Variants in NRG1 observed in about 807,000 individuals in gnomAD.
NRG1 encodes the protein neuregulin 1, also known as pro-neuregulin-1, membrane-bound isoform.
NRG1 carries 18 observed loss-of-function variants against 63.8 expected under a neutral mutation model. That is an observed-to-expected ratio of 0.28 (90% CI 0.19 to 0.42). The LOEUF is 0.42. Among genes scored for constraint, NRG1 ranks in the 10% least tolerant of loss-of-function variants. The pLI is 1.00. For missense variants in NRG1, 762 were observed against 814.7 expected (o/e 0.94, Z 0.79); for synonymous variants, 302 against 301.3 (o/e 1.00, Z -0.02).
chr8:32,226,315 A>C (rs1846316544), intron 1 of NRG1, among the ~76,000 whole-genome samples: 1 of 152,142 alleles, frequency 6.6e-6, no homozygotes, highest in Non-Finnish European at 1.5e-5. Context: ...TATTACTCAA[A>C]TTTGGCATAA....
intron 1 of NRG1, among the ~76,000 whole-genome samples, chr8:32,011,949 A>G (rs2129962074): frequency 6.6e-6 from 1 of 152,242 alleles, no homozygotes; most frequent in African/African-American, 2.4e-5. Context: ...TAAGGTTTCC[A>G]GTAAACAAAA....
chr8:31,933,765 A>G (rs896853673), intron 1 of NRG1, among the ~76,000 whole-genome samples: 2 of 152,210 alleles, frequency 1.3e-5, no homozygotes, highest in East Asian at 3.8e-4. Context: ...TGGTCTAAAT[A>G]TTAATGAAGT....
At chr8:31,802,311 T>C (rs1821869490) in intron 1 of NRG1, among the ~76,000 whole-genome samples, 1 of 152,158 alleles carries the variant, frequency 6.6e-6, no homozygotes, top group Non-Finnish European at 1.5e-5. Flanking sequence ...TCACAAATAG[T>C]AATAAGAATT....
At chr8:32,759,877 C>G (rs1830381317) in intron 10 of NRG1, among the ~76,000 whole-genome samples, 1 of 152,156 alleles carries the variant, frequency 6.6e-6, no homozygotes, top group Non-Finnish European at 1.5e-5. Flanking sequence ...AAATGTAGCT[C>G]ATACAAGGAA....
intron 9 of NRG1, among the ~76,000 whole-genome samples, chr8:32,757,105 G>T (rs549988893): frequency 6.6e-6 from 1 of 152,210 alleles, no homozygotes; most frequent in East Asian, 1.9e-4. Flanking sequence ...CTTTCTAAAT[G>T]ATGTCAAGCC....
In NRG1 at chr8:31,932,517, T is replaced by C. The variant is rs1338964381; in HGVS notation, c.37+293086T>C. The stretch of plus-strand genomic sequence containing the variant: ...GGATTGAAACATTCCTACTTTGATA[T>C]TTTCCTCTGGAGATCACTTGTTAAA... On this transcript the variant is annotated intron_variant, in intron 1 of 10. Coordinates refer to the NRG1 transcript ENST00000519301. Among the ~76,000 whole-genome samples, 4 of 152,200 alleles carry C rather than the reference T, an allele frequency of 2.6e-5. No individual in the cohort carries two copies. In the South Asian group the frequency reaches 6.2e-4, roughly 24 times the overall value.
chr8:32,008,222 C>T (rs568433849), intron 1 of NRG1, among the ~76,000 whole-genome samples: 88 of 151,958 alleles, frequency 5.8e-4, no homozygotes, highest in Admixed American at 1.8e-3. Flanking sequence ...TATTAGAGTA[C>T]GCTTTCCCAG....
intron 1 of NRG1, among the ~76,000 whole-genome samples, chr8:31,813,657 A>T (rs759511670): frequency 6.6e-6 from 1 of 150,500 alleles, no homozygotes; most frequent in Non-Finnish European, 1.5e-5. Context: ...GACCCTCACT[A>T]TCTGGGACTA....
intron 1 of NRG1, among the ~76,000 whole-genome samples, chr8:32,291,046 G>A (rs192854124): frequency 1.3e-5 from 2 of 152,214 alleles, no homozygotes; most frequent in East Asian, 3.9e-4. Context: ...AGGAAGAGCT[G>A]ACATTTCAGT....
At chr8:32,331,842 G>A (rs926055963) in intron 1 of NRG1, among the ~76,000 whole-genome samples, 1 of 152,118 alleles carries the variant, frequency 6.6e-6, no homozygotes, top group Non-Finnish European at 1.5e-5. Context: ...AGTTACACAC[G>A]TGTCTGGGCT....
intron 1 of NRG1, among the ~76,000 whole-genome samples, chr8:31,750,999 C>A (rs1816402787): frequency 6.6e-6 from 1 of 151,918 alleles, no homozygotes; most frequent in Admixed American, 6.6e-5. Context: ...TATGGGCTCC[C>A]AAATGCTAGT....
chr8:31,947,815 G>A lies in NRG1; in HGVS notation c.37+308384G>A, dbSNP rs997094099. 3.3e-5 allele frequency among the ~76,000 whole-genome samples: 5 copies of A among 151,726 alleles called. No individual in the cohort carries two copies. The East Asian group carries it at 7.8e-4, about 24-fold the overall frequency. ...AAAAAAATTAACTGGGTGTGGTGGT[G>A]CATTCCTGTAGTCCCAGCTACTTGG... On this transcript the variant is annotated intron_variant, in intron 1 of 10. Transcript: ENST00000519301.
chr8:32,449,673 GA>G (rs1162636879), intron 1 of NRG1, among the ~76,000 whole-genome samples: 1 of 152,166 alleles, frequency 6.6e-6, no homozygotes. Context: ...GAAGAAACAT[GA>G]AAGCAGAGTG....
At chr8:31,858,326 G>A (rs191984816) in intron 1 of NRG1, among the ~76,000 whole-genome samples, 39 of 151,880 alleles carry the variant, frequency 2.6e-4, no homozygotes, top group Non-Finnish European at 4.1e-4. Flanking sequence ...TGAAGTTGCC[G>A]AAGAACTCAA....
chr8:32,087,807 A>G (rs1185671927), intron 1 of NRG1, among the ~76,000 whole-genome samples: 1 of 152,144 alleles, frequency 6.6e-6, no homozygotes, highest in Non-Finnish European at 1.5e-5. Flanking sequence ...TAACACACTT[A>G]TGTAAGTGAA....
intron 1 of NRG1, among the ~76,000 whole-genome samples, chr8:31,683,468 A>G (rs1387227780): frequency 6.6e-6 from 1 of 152,188 alleles, no homozygotes; most frequent in Non-Finnish European, 1.5e-5. Flanking sequence ...TACCTACCGT[A>G]TGATTGCGAT....
chr8:32,702,576 T>C (rs1815213467), intron 5 of NRG1, among the ~76,000 whole-genome samples: 1 of 152,178 alleles, frequency 6.6e-6, no homozygotes, highest in South Asian at 2.1e-4. Context: ...CACCTCCTCC[T>C]CCTGGGTTCA....
In NRG1 at chr8:31,640,435, G is replaced by T. The variant is rs1450612832; in HGVS notation, c.37+1004G>T. The T allele has an allele frequency of 2.4e-5, 36 of 1,518,400 alleles. No homozygotes were observed. Among genetic ancestry groups the T allele is most frequent in the Non-Finnish European group, 3.0e-5 (34 of 1,133,078 alleles). 94.1% of individuals were successfully genotyped at this position (1,518,400 alleles called of 1,614,324 possible). A position where few individuals can be genotyped will look rare whatever the true frequency, so the allele number is the denominator to read the frequency against. On this transcript the variant is annotated intron_variant, in intron 1 of 10. Transcript: ENST00000519301. The surrounding 1 kb of genome is among the most constrained non-coding windows in gnomAD (Gnocchi z 6.3). ...TTGGCCCACCGCCCCGGTGCCCAGC[G>T]CCGGCGAGCCCGGGGAGGAGGCGCC...
At chr8:32,722,077 CT>C in intron 5 of NRG1, 1 of 1,460,938 alleles carries the variant, frequency 6.8e-7, no homozygotes. Flanking sequence ...TTTGTAGTGA[CT>C]AGCAGTTTAA....
Sources: allele counts gnomAD v4.1 joint callset (sites outside exome capture counted in the v4.1 genomes callset), GRCh38; gene constraint gnomAD v4.1.1; non-coding constraint Gnocchi (gnomAD v3.1); transcripts MANE v1.5; gene names NCBI Gene and HGNC (gene_info 2026-07-23, HGNC 2026-07-21).